The following PRKCE variants were observed in gnomAD, a reference collection of about 807,000 sequenced individuals.
PRKCE encodes the protein protein kinase C epsilon.
A neutral mutation model predicts 85.4 loss-of-function variants in PRKCE; 16 were observed. The ratio of observed to expected loss-of-function variants is 0.19; its 90% confidence interval spans 0.13 to 0.28. The LOEUF is 0.28. Among genes scored for constraint, PRKCE ranks in the 10% least tolerant of loss-of-function variants. The pLI, the probability that PRKCE is intolerant of heterozygous loss-of-function variation, is 1.00. For synonymous variants in PRKCE, 388 were observed against 371.5 expected, an observed-to-expected ratio of 1.04 and a Z score of -0.51; for missense variants, 573 against 975.2, an observed-to-expected ratio of 0.59 and a Z score of 5.49.
chr2:45,822,988 T>C (rs1689657097), intron 1 of PRKCE, among the ~76,000 whole-genome samples: 1 of 152,246 alleles, frequency 6.6e-6, no homozygotes, highest in Non-Finnish European at 1.5e-5. Flanking sequence ...TGTTAGTCAC[T>C]GCCTTGTCAT....
At chr2:45,745,111 G>A (rs1683032116) in intron 1 of PRKCE, among the ~76,000 whole-genome samples, 1 of 152,182 alleles carries the variant, frequency 6.6e-6, no homozygotes, top group Non-Finnish European at 1.5e-5. Context: ...TGAAGGGACA[G>A]GGAAGGCTGT....
rs1238416353 is a variant in PRKCE at position 46,185,690 on chromosome 2, G to A, written c.*809G>A. 3 of 152,310 alleles carry A rather than the reference G, an allele frequency of 2.0e-5. No individual in the cohort carries two copies. Among genetic ancestry groups the A allele is most frequent in the Admixed American group, 2.0e-4 (3 of 15,290 alleles). 9.4% of individuals were successfully genotyped at this position (152,310 alleles called of 1,614,324 possible). A position where few individuals can be genotyped will look rare whatever the true frequency, so the allele number is the denominator to read the frequency against. ...AAAAATGAGAAACCGGTCGTCCAAG[G>A]TGGATGCTGTCAATGCCCGAGTGAC... On this transcript the variant is annotated 3_prime_UTR_variant, in exon 15 of 15. Coordinates refer to ENST00000306156, the MANE Select transcript of PRKCE (RefSeq NM_005400.3). This position sits in a 1 kb window ranked among gnomAD's most constrained non-coding sequence, Gnocchi z 4.7.
Position 46,068,254 on chromosome 2 carries a change from C to A in PRKCE, c.1438-17954C>A, listed in dbSNP as rs1667793204. Among the ~76,000 whole-genome samples the A allele has an allele frequency of 6.6e-6, 1 of 152,068 alleles. No individual in the cohort carries two copies. On this transcript the variant is annotated intron_variant, in intron 10 of 14. Transcript: ENST00000306156. The surrounding 1 kb of genome is among the most constrained non-coding windows in gnomAD (Gnocchi z 4.3). ...ATAGGCTATCTAACTTACGAGCATG[C>A]CTACTCTGTTAGGTCCAGTAAAGGA...
intron 1 of PRKCE, among the ~76,000 whole-genome samples, chr2:45,654,489 G>T (rs1443261513): frequency 6.6e-6 from 1 of 152,218 alleles, no homozygotes; most frequent in East Asian, 1.9e-4. Context: ...GCAAAGGTGG[G>T]TTGGAAGTAG....
chr2:45,716,968 G>A (rs1329901760), intron 1 of PRKCE, among the ~76,000 whole-genome samples: 1 of 152,136 alleles, frequency 6.6e-6, no homozygotes, highest in Non-Finnish European at 1.5e-5. Flanking sequence ...AGAATAGCAT[G>A]GGGGAACTGC....
chr2:46,052,513 G>GA (rs34915481), intron 10 of PRKCE, among the ~76,000 whole-genome samples: 1 of 152,074 alleles, frequency 6.6e-6, no homozygotes, highest in African/African-American at 2.4e-5. Context: ...AACATAAATG[G>GA]AAAAAACATT....
Position 45,664,026 on chromosome 2 carries a change from G to A in PRKCE, c.348+11578G>A, listed in dbSNP as rs145694820. 7.4e-3 allele frequency among the ~76,000 whole-genome samples: 1,121 copies of A among 152,314 alleles called. 5 individuals are homozygous for A. Among genetic ancestry groups the A allele is most frequent in the Middle Eastern group, 0.017 (5 of 294 alleles). On this transcript the variant is annotated intron_variant, in intron 1 of 14. Coordinates refer to ENST00000306156, the MANE Select transcript of PRKCE (RefSeq NM_005400.3). ...CAAACATATATTGAGTACTTTCTAT[G>A]TTCTAGGAACTTTGCTTGGAGCAAA...
chr2:46,163,104 G>A (rs1205314296), intron 14 of PRKCE, among the ~76,000 whole-genome samples: 1 of 152,248 alleles, frequency 6.6e-6, no homozygotes, highest in Non-Finnish European at 1.5e-5. Flanking sequence ...TTGACCCCGG[G>A]GATGTGGGTG....
At chr2:46,076,485 A>C (rs1012910739) in intron 10 of PRKCE, among the ~76,000 whole-genome samples, 1 of 152,182 alleles carries the variant, frequency 6.6e-6, no homozygotes, top group East Asian at 1.9e-4. Context: ...GAGGCAGGAA[A>C]TGTTTATTTG....
intron 2 of PRKCE, among the ~76,000 whole-genome samples, chr2:45,901,220 T>C (rs1324676796): frequency 6.6e-6 from 1 of 152,218 alleles, no homozygotes; most frequent in Admixed American, 6.5e-5. Flanking sequence ...TTAGTACAAA[T>C]TGTGCTTACA....
rs186788300 is a variant in PRKCE at position 45,756,520 on chromosome 2, C to T, written c.349-86480C>T. ...ATTCAAGATAAATGAAAGCATTTGTCCATTCAAAATCTGTCATGAATGTTC... is the reference window on the plus strand; with the variant it reads ...ATTCAAGATAAATGAAAGCATTTGTTCATTCAAAATCTGTCATGAATGTTC... On this transcript the variant is annotated intron_variant, in intron 1 of 14. Transcript: ENST00000306156. Among the ~76,000 whole-genome samples the T allele has an allele frequency of 2.3e-3, 356 of 152,286 alleles. 1 individual carries two copies. The highest frequency in any genetic ancestry group is 4.2e-3 in the Non-Finnish European group (285 of 68,030).
Position 46,138,471 on chromosome 2 carries a change from C to T in PRKCE, c.1593-6622C>T, listed in dbSNP as rs977046287. ...CATGTGGGTTGAGGATGCCAATTAG[C>T]AGGGTTGGTAGAGTCAGGATTCCCA... On this transcript the variant is annotated intron_variant, in intron 11 of 14. Coordinates refer to ENST00000306156, the MANE Select transcript of PRKCE (RefSeq NM_005400.3). This position sits in a 1 kb window ranked among gnomAD's most constrained non-coding sequence, Gnocchi z 4.2. Among the ~76,000 whole-genome samples, 1 of 152,176 alleles carries T rather than the reference C, an allele frequency of 6.6e-6. No individual in the cohort carries two copies. The highest frequency in any genetic ancestry group is 1.5e-5 in the Non-Finnish European group (1 of 68,038).
intron 2 of PRKCE, among the ~76,000 whole-genome samples, chr2:45,849,663 C>T (rs887864725): frequency 6.6e-6 from 1 of 152,150 alleles, no homozygotes; most frequent in Non-Finnish European, 1.5e-5. Flanking sequence ...CACACAGACT[C>T]CCTAGACATG....
intron 1 of PRKCE, among the ~76,000 whole-genome samples, chr2:45,715,407 A>C (rs1337433566): frequency 6.6e-6 from 1 of 152,216 alleles, no homozygotes; most frequent in African/African-American, 2.4e-5. Flanking sequence ...TGACTTTTGC[A>C]GTCTCAGGGA....
At chr2:45,667,457 A>G (rs1675970626) in intron 1 of PRKCE, among the ~76,000 whole-genome samples, 1 of 152,172 alleles carries the variant, frequency 6.6e-6, no homozygotes, top group South Asian at 2.1e-4. Flanking sequence ...CTGGTTAAGT[A>G]AAATTTTAAC....
chr2:45,876,522 T>G (rs529427314), intron 2 of PRKCE, among the ~76,000 whole-genome samples: 21 of 152,334 alleles, frequency 1.4e-4, no homozygotes, highest in African/African-American at 4.8e-4. Context: ...TTTCAACCAT[T>G]TGGGGGTAAA....
chr2:45,725,877 A>G (rs947550409), intron 1 of PRKCE, among the ~76,000 whole-genome samples: 1 of 152,018 alleles, frequency 6.6e-6, no homozygotes, highest in East Asian at 1.9e-4. Context: ...ACCCACATTC[A>G]TGATGCATGG....
rs17034067 is a variant in PRKCE at position 45,713,348 on chromosome 2, A to C, written c.348+60900A>C. Among the ~76,000 whole-genome samples the C allele has an allele frequency of 3.8e-3, 582 of 152,278 alleles. 3 individuals are homozygous for C. Among genetic ancestry groups the C allele is most frequent in the African/African-American group, 0.013 (551 of 41,558 alleles). On this transcript the variant is annotated intron_variant, in intron 1 of 14. Coordinates refer to ENST00000306156, the MANE Select transcript of PRKCE (RefSeq NM_005400.3). Reference sequence around the variant, plus strand: ...AATAATGTGTATTTTTCTTTGCCCTACATATTTGTGTGATGCCTGATGGTA... The same window carrying C: ...AATAATGTGTATTTTTCTTTGCCCTCCATATTTGTGTGATGCCTGATGGTA...
At chr2:46,122,422 T>C (rs1673402447) in intron 11 of PRKCE, among the ~76,000 whole-genome samples, 1 of 151,920 alleles carries the variant, frequency 6.6e-6, no homozygotes. Context: ...GTAGACGGGG[T>C]TTCGCCATGT....
Sources: allele counts gnomAD v4.1 joint callset (sites outside exome capture counted in the v4.1 genomes callset), GRCh38; gene constraint gnomAD v4.1.1; non-coding constraint Gnocchi (gnomAD v3.1); transcripts MANE v1.5; gene names NCBI Gene and HGNC (gene_info 2026-07-23, HGNC 2026-07-21).